GORASP1: variants seen among roughly 807,000 people sequenced by gnomAD.
The protein encoded by GORASP1 is golgi reassembly stacking protein 1.
GORASP1 carries 31 observed loss-of-function variants against 37.7 expected under a neutral mutation model. The observed-to-expected ratio is 0.82, with a 90% CI of 0.62 to 1.11. The LOEUF (loss-of-function observed/expected upper bound fraction) is 1.11. Ranked by LOEUF, GORASP1 falls within the 50% of genes least tolerant of loss-of-function variation. GORASP1 has a pLI of 0.00. For synonymous variants in GORASP1, 204 were observed against 224.8 expected, an observed-to-expected ratio of 0.91 and a Z score of 0.83; for missense variants, 476 against 560.7, an observed-to-expected ratio of 0.85 and a Z score of 1.53.
In GORASP1 at chr3:39,100,520, A is replaced by G. The variant is rs1210441522; in HGVS notation, c.567-17T>C. The G allele has an allele frequency of 6.5e-7, 1 of 1,548,678 alleles. No homozygotes were observed. The highest frequency in any genetic ancestry group is 1.4e-5 in the African/African-American group (1 of 72,876). On this transcript the variant is annotated splice_polypyrimidine_tract_variant and intron_variant, in intron 5 of 8. Transcript: ENST00000319283. This position sits in a 1 kb window ranked among gnomAD's most constrained non-coding sequence, Gnocchi z 4.6. ...CATCCCAGACTGCCGAAGGCCAGAA[A>G]CATTCAATCCAGGGGCTTGTCCCAC...
In GORASP1 at chr3:39,103,000, C is replaced by T. The variant is rs987186808; in HGVS notation, c.145-119G>A. On this transcript the variant is annotated intron_variant, in intron 2 of 8. Coordinates refer to ENST00000319283, the MANE Select transcript of GORASP1 (RefSeq NM_031899.4). This position sits in a 1 kb window ranked among gnomAD's most constrained non-coding sequence, Gnocchi z 5.0. ...TGGGCAGCAGCCCTCAGCAGGGTCA[C>T]TGTGGGGATGGGCCAAGGTAGTGGA... 1 of 964,120 alleles carries T rather than the reference C, an allele frequency of 1.0e-6. No homozygotes were observed. The highest frequency in any genetic ancestry group is 1.7e-6 in the Non-Finnish European group (1 of 601,738). 59.7% of individuals were successfully genotyped at this position (964,120 alleles called of 1,614,324 possible).
At chr3:39,106,863 G>C (rs2036169618) in intron 1 of GORASP1, 1 of 285,318 alleles carries the variant, frequency 3.5e-6, no homozygotes, top group African/African-American at 2.3e-5. Flanking sequence ...GCATCTAAAG[G>C]CTGGGACCCT....
rs201218076 is a variant in GORASP1 at position 39,098,420 on chromosome 3, G to C, written c.1139C>G (p.Ala380Gly). 6.2e-7 allele frequency: 1 copy of C among 1,614,158 alleles called. No homozygotes were observed. The highest frequency in any genetic ancestry group is 1.7e-5 in the Admixed American group (1 of 60,024). The stretch of plus-strand genomic sequence containing the variant: ...AAGAGTCAGCTGAGGCAGGTGGTCC[G>C]CCTGGGCTTGGGCACCTGGGCTGTC... The part of the protein sequence containing the change: ...FLDSPGAQAQ[A>G]DHLPQLTLPD... Residue 380 changes from alanine (A) to glycine (G), a missense_variant, in exon 9 of 9, where the codon GCG becomes GGG. By Grantham distance (60) the Ala-to-Gly change is moderately conservative. Coordinates refer to ENST00000319283, the MANE Select transcript of GORASP1 (RefSeq NM_031899.4). The surrounding 1 kb of genome is among the most constrained non-coding windows in gnomAD (Gnocchi z 4.7).
Position 39,103,619 on chromosome 3 carries a change from C to G in GORASP1, c.64-66G>C, listed in dbSNP as rs748166387. 181 of 1,267,312 alleles carry G rather than the reference C, an allele frequency of 1.4e-4. No homozygotes were observed. The Admixed American group carries it at 3.5e-3, about 25-fold the overall frequency. The allele number at this position is 1,267,312 out of a possible 1,614,324, so 78.5% of individuals were successfully genotyped here. ...GGACTCTCCAAGTAGCCCTCTCCCC[C>G]ATTTCAGGAACCATCAGCACTCCCA... On this transcript the variant is annotated intron_variant, in intron 1 of 8. Transcript: ENST00000319283. This position sits in a 1 kb window ranked among gnomAD's most constrained non-coding sequence, Gnocchi z 5.2.
Position 39,102,660 on chromosome 3 carries a change from G to C in GORASP1, c.348+18C>G. 1 of 1,613,274 alleles carries C rather than the reference G, an allele frequency of 6.2e-7. No individual in the cohort carries two copies. The highest frequency in any genetic ancestry group is 8.5e-7 in the Non-Finnish European group (1 of 1,179,418). ...TCATCCTTCCGACACACCCTGCCCT[G>C]CCATACCCCACACTCACCAGCACAT... On this transcript the variant is annotated intron_variant, in intron 3 of 8. Transcript: ENST00000319283. This position sits in a 1 kb window ranked among gnomAD's most constrained non-coding sequence, Gnocchi z 5.0.
chr3:39,098,981 G>A lies in GORASP1; in HGVS notation c.917-88C>T. The A allele has an allele frequency of 6.5e-7, 1 of 1,527,268 alleles. No homozygotes were observed. Among genetic ancestry groups the A allele is most frequent in the Non-Finnish European group, 8.9e-7 (1 of 1,118,814 alleles). The allele number at this position is 1,527,268 out of a possible 1,614,324, so 94.6% of individuals were successfully genotyped here. A position where few individuals can be genotyped will look rare whatever the true frequency, so the allele number is the denominator to read the frequency against. On this transcript the variant is annotated intron_variant, in intron 7 of 8. Transcript: ENST00000319283. The surrounding 1 kb of genome is among the most constrained non-coding windows in gnomAD (Gnocchi z 4.7). The stretch of plus-strand genomic sequence containing the variant: ...TGGGCTCACCTTGCCTAGGGCATCT[G>A]GCCCAGCCTGTGAGACTGTAATCTC...
chr3:39,099,460 G>A lies in GORASP1; in HGVS notation c.809C>T (p.Pro270Leu). 2.5e-6 allele frequency: 4 copies of A among 1,611,486 alleles called. No homozygotes were observed. Among genetic ancestry groups the A allele is most frequent in the Non-Finnish European group, 3.4e-6 (4 of 1,178,976 alleles). The change falls in exon 7 of 9, where the codon CCT (proline) becomes CTT (leucine). Residue 270 changes from proline to leucine, a missense_variant. By Grantham distance (98) the Pro-to-Leu change is moderately conservative (BLOSUM62 -3). Transcript: ENST00000319283. ...ACTGTGGCTGGGACTCCCAGGCCCA[G>A]GAAGGGGATCCTCCATGGAGGAGCC... Reference protein sequence around the residue: ...APGSSMEDPLPGPGSPSHSAP... With the variant: ...APGSSMEDPLLGPGSPSHSAP...
rs1457338902 is a variant in GORASP1 at position 39,107,459 on chromosome 3, G to A, written c.63+20C>T. The A allele has an allele frequency of 1.4e-5, 18 of 1,329,874 alleles. No individual in the cohort carries two copies. Among genetic ancestry groups the A allele is most frequent in the Non-Finnish European group, 1.6e-5 (17 of 1,046,268 alleles). 82.4% of individuals were successfully genotyped at this position (1,329,874 alleles called of 1,614,324 possible). On this transcript the variant is annotated intron_variant, in intron 1 of 8. Transcript: ENST00000319283. Reference sequence around the variant, plus strand: ...TGCGGGCGCCTCGCCAAGGTCACCGGCGCCGCGGCGGCAACTCACCCCGTG... The same window carrying A: ...TGCGGGCGCCTCGCCAAGGTCACCGACGCCGCGGCGGCAACTCACCCCGTG...
intron 3 of GORASP1, chr3:39,101,379 A>G (rs2035701115): frequency 3.4e-6 from 2 of 582,882 alleles, no homozygotes; most frequent in African/African-American, 3.7e-5. Flanking sequence ...CTGCCCAGCT[A>G]TATGACTATA....
At position 39,107,562 on chromosome 3, in the gene GORASP1, C is replaced by A; in HGVS notation, c.-21G>T. The stretch of plus-strand genomic sequence containing the variant: ...CCCATGGCAGCGGCTCCGCTCGGCA[C>A]CCAGGTCCAGTCCCGCTGCGCCTAC... On this transcript the variant is annotated 5_prime_UTR_variant, in exon 1 of 9. Coordinates refer to ENST00000319283, the MANE Select transcript of GORASP1 (RefSeq NM_031899.4). 1 of 1,489,942 alleles carries A rather than the reference C, an allele frequency of 6.7e-7. No homozygotes were observed. The highest frequency in any genetic ancestry group is 8.8e-7 in the Non-Finnish European group (1 of 1,130,586). 92.3% of individuals were successfully genotyped at this position (1,489,942 alleles called of 1,614,324 possible). A position where few individuals can be genotyped will look rare whatever the true frequency, so the allele number is the denominator to read the frequency against.
Position 39,102,966 on chromosome 3 carries a change from G to A in GORASP1, c.145-85C>T. 1 of 1,233,536 alleles carries A rather than the reference G, an allele frequency of 8.1e-7. No individual in the cohort carries two copies. The highest frequency in any genetic ancestry group is 1.2e-5 in the South Asian group (1 of 83,070). 76.4% of individuals were successfully genotyped at this position (1,233,536 alleles called of 1,614,324 possible). On this transcript the variant is annotated intron_variant, in intron 2 of 8. Coordinates refer to ENST00000319283, the MANE Select transcript of GORASP1 (RefSeq NM_031899.4). The surrounding 1 kb of genome is among the most constrained non-coding windows in gnomAD (Gnocchi z 5.0). ...CAAGTCTGGGCCTGAGATGGGGCAA[G>A]GGCCTTAGTGGGCAGCAGCCCTCAG...
chr3:39,102,990 A>G lies in GORASP1; in HGVS notation c.145-109T>C. 1 of 1,043,730 alleles carries G rather than the reference A, an allele frequency of 9.6e-7. No individual in the cohort carries two copies. The highest frequency in any genetic ancestry group is 1.5e-6 in the Non-Finnish European group (1 of 668,888). The allele number at this position is 1,043,730 out of a possible 1,614,324, so 64.7% of individuals were successfully genotyped here. ...AGGGCCTTAGTGGGCAGCAGCCCTC[A>G]GCAGGGTCACTGTGGGGATGGGCCA... is the stretch of plus-strand genomic sequence containing the variant. On this transcript the variant is annotated intron_variant, in intron 2 of 8. Transcript: ENST00000319283. This position sits in a 1 kb window ranked among gnomAD's most constrained non-coding sequence, Gnocchi z 5.0.
At chr3:39,107,234 G>A (rs1243064280) in intron 1 of GORASP1, 1 of 535,904 alleles carries the variant, frequency 1.9e-6, no homozygotes, top group Non-Finnish European at 3.5e-6. Context: ...CTCCGCTTCC[G>A]GCACTGCTGG....
chr3:39,107,020 C>T (rs2036195772), intron 1 of GORASP1: 2 of 455,816 alleles, frequency 4.4e-6, no homozygotes, highest in African/African-American at 4.0e-5. Context: ...CCGACGGGCT[C>T]CCCCGCAGCT....
intron 1 of GORASP1, chr3:39,107,206 G>T: frequency 1.9e-6 from 1 of 537,414 alleles, no homozygotes; most frequent in South Asian, 1.7e-5. Context: ...CATTCCCGGC[G>T]GCCGGACCAG....
rs376191611 is a variant in GORASP1, at chr3:39,102,924, A to G, written c.145-43T>C. On this transcript the variant is annotated intron_variant, in intron 2 of 8. Transcript: ENST00000319283. This position sits in a 1 kb window ranked among gnomAD's most constrained non-coding sequence, Gnocchi z 5.0. The stretch of plus-strand genomic sequence containing the variant: ...CTGACTCCAAGGCCACCTCATGCCC[A>G]GGCTAGGACCCTCAGACAAGTCTGG... 7.0e-6 allele frequency: 11 copies of G among 1,575,420 alleles called. No individual in the cohort carries two copies. The highest frequency in any genetic ancestry group is 1.7e-4 in the Middle Eastern group (1 of 5,980).
rs1259098431 is a variant in GORASP1, at chr3:39,103,216, A to C, written c.144+257T>G. The C allele has an allele frequency of 6.8e-6, 4 of 587,862 alleles. No individual in the cohort carries two copies. Among genetic ancestry groups the C allele is most frequent in the Non-Finnish European group, 1.2e-5 (4 of 330,422 alleles). 36.4% of individuals were successfully genotyped at this position (587,862 alleles called of 1,614,324 possible). A position where few individuals can be genotyped will look rare whatever the true frequency, so the allele number is the denominator to read the frequency against. ...AGGGCCCTCATATCCCTCATGCCCCAGGAGGCAGGCCCCTTGGGCCTTGTT... is the reference window on the plus strand; with the variant it reads ...AGGGCCCTCATATCCCTCATGCCCCCGGAGGCAGGCCCCTTGGGCCTTGTT... On this transcript the variant is annotated intron_variant, in intron 2 of 8. Transcript: ENST00000319283. This position sits in a 1 kb window ranked among gnomAD's most constrained non-coding sequence, Gnocchi z 5.2.
At chr3:39,099,270 A>G in intron 7 of GORASP1, 83 bp downstream of exon 7, 1 of 1,492,720 alleles carries the variant, frequency 6.7e-7, no homozygotes, top group Non-Finnish European at 9.3e-7. Context: ...AGGGGTCAGC[A>G]AGGCCTGGGG....
Position 39,098,915 on chromosome 3 carries a change from C to A in GORASP1, c.917-22G>T, listed in dbSNP as rs1372074570. 1.4e-5 allele frequency: 23 copies of A among 1,612,668 alleles called. No homozygotes were observed. The highest frequency in any genetic ancestry group is 2.0e-5 in the Non-Finnish European group (23 of 1,179,340). ...AAGCCTAGGGGAGGGTGGTGCAGTT[C>A]TTTGCCAGCAAGAAACCCTGACTGC... is the stretch of plus-strand genomic sequence containing the variant. On this transcript the variant is annotated intron_variant, in intron 7 of 8. Coordinates refer to ENST00000319283, the MANE Select transcript of GORASP1 (RefSeq NM_031899.4). The surrounding 1 kb of genome is among the most constrained non-coding windows in gnomAD (Gnocchi z 4.7).
Sources: gnomAD v4.1 joint callset for allele counts on GRCh38, gnomAD v4.1.1 for gene constraint, Gnocchi (gnomAD v3.1) non-coding constraint, MANE v1.5 for transcripts, NCBI Gene and HGNC (gene_info 2026-07-23, HGNC 2026-07-21) for gene names.